Variants in UTP20 observed in about 807,000 individuals in gnomAD.
The protein encoded by UTP20 is UTP20 small subunit processome component, also known as small subunit processome component 20 homolog.
UTP20 carries 164 observed loss-of-function variants against 329.5 expected under a neutral mutation model. The ratio of observed to expected loss-of-function variants is 0.50; its 90% CI spans 0.44 to 0.57. The LOEUF (loss-of-function observed/expected upper bound fraction) is 0.57. Among genes scored for constraint, UTP20 ranks in the 20% least tolerant of loss-of-function variants. UTP20 has a pLI of 0.00. For missense variants in UTP20, 3,055 were observed against 3,284.2 expected (o/e 0.93, Z 1.71); for synonymous variants, 1,151 against 1,159.3 (o/e 0.99, Z 0.14).
chr12:101,380,864 A>T (rs376411966), intron 57 of UTP20, among the ~76,000 whole-genome samples: 5 of 49,218 alleles, frequency 1.0e-4, no homozygotes, highest in South Asian at 1.1e-3. Context: ...ACTCTGTCTT[A>T]AAAAAAAAAA....
chr12:101,286,244 G>A (rs757194027), intron 4 of UTP20, 77 bp from the exon 5 acceptor site: 53 of 1,284,076 alleles, frequency 4.1e-5, no homozygotes, highest in Non-Finnish European at 5.6e-5. Context: ...ATGATCATAG[G>A]CCACCTACTA....
chr12:101,356,813 C>T (rs1320917796), intron 42 of UTP20, 113 bp from the exon 43 acceptor site: 19 of 1,473,332 alleles, frequency 1.3e-5, no homozygotes, highest in Admixed American at 2.4e-5. Context: ...GCTGTGGTTT[C>T]GAATATTAAC....
intron 41 of UTP20, among the ~76,000 whole-genome samples, chr12:101,356,108 G>A (rs562505428): frequency 3.9e-5 from 6 of 152,268 alleles, no homozygotes; most frequent in African/African-American, 1.2e-4. Context: ...AAGATCTATA[G>A]AAAGAGCTGT....
In UTP20 at chr12:101,361,870, C is replaced by CT. The variant is rs1160853171; in HGVS notation, c.5692-91dup. The CT allele has an allele frequency of 1.0e-4, 95 of 953,912 alleles. 1 individual carries two copies. The African/African-American group carries it at 1.3e-3, about 13-fold the overall frequency. 59.1% of individuals were successfully genotyped at this position (953,912 alleles called of 1,614,324 possible). A position where few individuals can be genotyped will look rare whatever the true frequency, so the allele number is the denominator to read the frequency against. ...CCTGGCAATAAAAGACATATAAACT[C>CT]TGAGTGTTCTCTTTGCAGTGCTTCC... On this transcript the variant is annotated intron_variant, in intron 43 of 61. Transcript: ENST00000261637.
In UTP20 at chr12:101,299,855, G is replaced by T; in HGVS notation, c.1586+18G>T. ...CATATTAGGTAAGAAAATAAGCTATGTTTAATTTTGAAAGAGATAACATGC... is the reference window on the plus strand; with the variant it reads ...CATATTAGGTAAGAAAATAAGCTATTTTTAATTTTGAAAGAGATAACATGC... On this transcript the variant is annotated intron_variant, in intron 13 of 61. Coordinates refer to ENST00000261637, the MANE Select transcript of UTP20 (RefSeq NM_014503.3). 6.2e-7 allele frequency: 1 copy of T among 1,601,332 alleles called. No homozygotes were observed. The highest frequency in any genetic ancestry group is 8.5e-7 in the Non-Finnish European group (1 of 1,175,316).
chr12:101,309,456 A>G (rs1333743189), intron 18 of UTP20, among the ~76,000 whole-genome samples: 1 of 152,242 alleles, frequency 6.6e-6, no homozygotes, highest in Admixed American at 6.5e-5. Flanking sequence ...GGTGACAGCA[A>G]CATTTGTTAG....
chr12:101,311,849 G>A lies in UTP20; in HGVS notation c.2311+51G>A, dbSNP rs770624466. On this transcript the variant is annotated intron_variant, in intron 20 of 61. Coordinates refer to ENST00000261637, the MANE Select transcript of UTP20 (RefSeq NM_014503.3). ...TGCGAAGAAAAGTGGTTGTTTAACT[G>A]TTTTGTTTTTATTGCTTAATTACTC... The A allele has an allele frequency of 4.4e-6, 7 of 1,577,648 alleles. No homozygotes were observed. In the Admixed American group the frequency reaches 5.7e-5, roughly 13 times the overall value.
In UTP20 at chr12:101,355,019, T is replaced by C; in HGVS notation, c.5295T>C (p.Leu1765=). The C allele has an allele frequency of 6.2e-7, 1 of 1,614,118 alleles. No individual in the cohort carries two copies. The highest frequency in any genetic ancestry group is 2.2e-5 in the East Asian group (1 of 44,884). The change falls in exon 41 of 62, where the codon CTT becomes CTC. Residue 1765 remains leucine, a synonymous_variant. Coordinates refer to ENST00000261637, the MANE Select transcript of UTP20 (RefSeq NM_014503.3). ...GTATCACAAAGCCTGTCTCTTTCCT[T>C]CCTCAAAACAAGGAAGAAATAGAGA... is the stretch of plus-strand genomic sequence containing the variant. ...SECITKPVSF[L]PQNKEEIERT... is the part of the protein sequence containing the mutation.
At position 101,285,870 on chromosome 12, in the gene UTP20, A is replaced by G. The variant is rs1400931305; in HGVS notation, c.315A>G (p.Gln105=). The G allele has an allele frequency of 2.5e-6, 4 of 1,613,480 alleles. No homozygotes were observed. Among genetic ancestry groups the G allele is most frequent in the East Asian group, 2.2e-5 (1 of 44,822 alleles). The change falls in exon 4 of 62, where the codon CAA becomes CAG. Residue 105 remains glutamine (Q), a synonymous_variant. Transcript: ENST00000261637. ...AAGTTAAGAACAGTTTTGCCTATCA[A>G]CCCCTTTTGGAGTAAGTAGCATCTT... ...HLQVKNSFAY[Q]PLLDLVVQLA... is the part of the protein sequence containing the mutation.
chr12:101,318,743 A>C (rs189906778), intron 22 of UTP20, among the ~76,000 whole-genome samples: 1 of 150,940 alleles, frequency 6.6e-6, no homozygotes, highest in East Asian at 2.0e-4. Context: ...AGGTAAGAGA[A>C]TCACTTGAAC....
Position 101,381,124 on chromosome 12 carries a change from C to A in UTP20, c.7585-16C>A. On this transcript the variant is annotated splice_polypyrimidine_tract_variant and intron_variant, in intron 57 of 61. Transcript: ENST00000261637. ...GTCCTGTGTTTTGTCTACCAATGTC[C>A]ATTTTCTTTTCACAGATGAAAAGTA... 1.2e-6 allele frequency: 2 copies of A among 1,605,552 alleles called. No homozygotes were observed. The highest frequency in any genetic ancestry group is 1.7e-6 in the Non-Finnish European group (2 of 1,172,288).
In UTP20 at chr12:101,366,841, C is replaced by T. The variant is rs1023637641; in HGVS notation, c.6267+142C>T. On this transcript the variant is annotated intron_variant, in intron 47 of 61. Coordinates refer to ENST00000261637, the MANE Select transcript of UTP20 (RefSeq NM_014503.3). ...TTTAGATTTTTTTTTTTTACAGGTGCATTGGTCCATTTACTATTTATCTCT... is the reference window on the plus strand; with the variant it reads ...TTTAGATTTTTTTTTTTTACAGGTGTATTGGTCCATTTACTATTTATCTCT... The T allele has an allele frequency of 3.2e-6, 3 of 925,490 alleles. No homozygotes were observed. The Admixed American group carries it at 8.7e-5, about 27-fold the overall frequency. 57.3% of individuals were successfully genotyped at this position (925,490 alleles called of 1,614,324 possible).
Position 101,317,242 on chromosome 12 carries a change from A to G in UTP20, c.2553-236A>G, listed in dbSNP as rs931672290. ...AAAATAGACATTTCAAATATTTTCA[A>G]CAGTATAACAGTGGAATGGGCTATC... On this transcript the variant is annotated intron_variant, in intron 21 of 61. Transcript: ENST00000261637. Among the ~76,000 whole-genome samples, 52 of 152,228 alleles carry G rather than the reference A, an allele frequency of 3.4e-4. 1 individual carries two copies.
intron 44 of UTP20, 61 bp downstream of exon 44, chr12:101,362,121 CA>C: frequency 8.5e-7 from 1 of 1,171,114 alleles, no homozygotes; most frequent in Admixed American, 1.9e-5. Flanking sequence ...ACAAAAAAAT[CA>C]ATTCACCAAA....
intron 16 of UTP20, 51 bp from the exon 17 acceptor site, chr12:101,306,648 C>A: frequency 6.6e-7 from 1 of 1,519,130 alleles, no homozygotes; most frequent in Non-Finnish European, 8.9e-7. Context: ...GAATCAGTTT[C>A]TTTTTATGGT....
In UTP20 at chr12:101,362,070, A is replaced by T; in HGVS notation, c.5790+10A>T. 1 of 1,602,226 alleles carries T rather than the reference A, an allele frequency of 6.2e-7. No homozygotes were observed. The highest frequency in any genetic ancestry group is 8.5e-7 in the Non-Finnish European group (1 of 1,173,582). ...AGATATAATGATTGAGGTAAGACTT[A>T]CAGAAACGAATTCTAATTTTTTTTT... is the stretch of plus-strand genomic sequence containing the variant. On this transcript the variant is annotated intron_variant, in intron 44 of 61. Transcript: ENST00000261637.
At chr12:101,323,071 C>G (rs190299722) in intron 25 of UTP20, among the ~76,000 whole-genome samples, 3 of 152,208 alleles carry the variant, frequency 2.0e-5, no homozygotes, top group Admixed American at 2.0e-4. Flanking sequence ...TACACCCATA[C>G]AAGTTTTTGA....
At chr12:101,317,390 C>A in intron 21 of UTP20, 88 bp from the exon 22 acceptor site, 24 of 1,388,160 alleles carry the variant, frequency 1.7e-5, no homozygotes, top group Non-Finnish European at 2.3e-5. Flanking sequence ...ATTCTGTGAA[C>A]TGTGGACATC....
At chr12:101,292,209 G>T in intron 10 of UTP20, 105 bp downstream of exon 10, 1 of 1,259,324 alleles carries the variant, frequency 7.9e-7, no homozygotes. Context: ...CTGCCCTCAA[G>T]GAATTTATAA....
Sources: allele counts gnomAD v4.1 joint callset (sites outside exome capture counted in the v4.1 genomes callset), GRCh38; gene constraint gnomAD v4.1.1; transcripts MANE v1.5; gene names NCBI Gene and HGNC (gene_info 2026-07-23, HGNC 2026-07-21).